PTPN9: variants seen among roughly 807,000 people sequenced by gnomAD.
PTPN9 encodes the protein tyrosine-protein phosphatase non-receptor type 9.
Under a neutral mutation model 69.8 loss-of-function variants are expected in PTPN9, and 26 were observed. The observed-to-expected ratio is 0.37, with a 90% CI of 0.27 to 0.52. The LOEUF is 0.52. Ranked by LOEUF, PTPN9 falls within the 20% of genes least tolerant of loss-of-function variation. PTPN9 has a pLI of 0.91. For synonymous variants in PTPN9, 274 were observed against 272.5 expected, an observed-to-expected ratio of 1.01 and a Z score of -0.05; for missense variants, 549 against 740.3, an observed-to-expected ratio of 0.74 and a Z score of 3.00.
chr15:75,482,068 T>C (rs1012034382), intron 8 of PTPN9, among the ~76,000 whole-genome samples: 1 of 149,788 alleles, frequency 6.7e-6, no homozygotes, highest in African/African-American at 2.5e-5. Context: ...CGTGTCTGTG[T>C]AGAAAGAAGT....
intron 1 of PTPN9, among the ~76,000 whole-genome samples, chr15:75,539,177 G>A (rs867053399): frequency 3.9e-5 from 6 of 151,994 alleles, no homozygotes; most frequent in African/African-American, 2.4e-5. Flanking sequence ...TTGATCTCTC[G>A]ACCTCATGAT....
chr15:75,504,415 C>G (rs1268393990), intron 7 of PTPN9, among the ~76,000 whole-genome samples: 4 of 127,932 alleles, frequency 3.1e-5, no homozygotes, highest in Admixed American at 1.5e-4. Flanking sequence ...CCAGCCGACC[C>G]GTCCGGGAGG....
chr15:75,471,390 T>C (rs1218782057), intron 10 of PTPN9, among the ~76,000 whole-genome samples: 1 of 152,088 alleles, frequency 6.6e-6, no homozygotes, highest in Non-Finnish European at 1.5e-5. Flanking sequence ...AGGAGGTTTG[T>C]GTAAAAGCCT....
chr15:75,543,387 C>T (rs2075017608), intron 1 of PTPN9, among the ~76,000 whole-genome samples: 2 of 152,162 alleles, frequency 1.3e-5, no homozygotes, highest in Non-Finnish European at 1.5e-5. Context: ...AAATCAAAGG[C>T]TCACAGAGCC....
At chr15:75,570,215 A>G (rs976596183) in intron 1 of PTPN9, 1 of 152,216 alleles carries the variant, frequency 6.6e-6, no homozygotes, top group Non-Finnish European at 1.5e-5. Context: ...AATGAAAATA[A>G]TAAGAGTTCT....
At chr15:75,574,188 G>A (rs989454217) in intron 1 of PTPN9, among the ~76,000 whole-genome samples, 3 of 151,922 alleles carry the variant, frequency 2.0e-5, no homozygotes, top group African/African-American at 7.3e-5. Flanking sequence ...GGGAGGCTGA[G>A]GCAGGAGGAC....
At chr15:75,482,678 A>G (rs2074648680) in intron 8 of PTPN9, among the ~76,000 whole-genome samples, 1 of 151,208 alleles carries the variant, frequency 6.6e-6, no homozygotes, top group South Asian at 2.1e-4. Context: ...AAAACCAGAG[A>G]CCTTTGTTCA....
At chr15:75,548,943 A>G (rs2075045734) in intron 1 of PTPN9, among the ~76,000 whole-genome samples, 2 of 151,634 alleles carry the variant, frequency 1.3e-5, no homozygotes, top group Non-Finnish European at 2.9e-5. Flanking sequence ...ATGAGCCACC[A>G]CACCCAGCCA....
intron 1 of PTPN9, among the ~76,000 whole-genome samples, chr15:75,536,457 A>C (rs1278897404): frequency 6.6e-6 from 1 of 152,250 alleles, no homozygotes; most frequent in African/African-American, 2.4e-5. Flanking sequence ...TATGGGATTC[A>C]AACTCTCTCT....
intron 1 of PTPN9, among the ~76,000 whole-genome samples, chr15:75,528,132 A>G (rs542948229): frequency 6.6e-6 from 1 of 152,272 alleles, no homozygotes; most frequent in East Asian, 1.9e-4. Flanking sequence ...GGCAACCCCA[A>G]AACTGGATAC....
chr15:75,534,658 G>A (rs2074975598), intron 1 of PTPN9, among the ~76,000 whole-genome samples: 1 of 142,012 alleles, frequency 7.0e-6, no homozygotes, highest in African/African-American at 2.6e-5. Flanking sequence ...CTGGGTGACT[G>A]AGTGAGACTC....
intron 8 of PTPN9, among the ~76,000 whole-genome samples, chr15:75,481,944 C>T (rs563667496): frequency 2.7e-5 from 4 of 146,046 alleles, no homozygotes; most frequent in South Asian, 2.3e-4. Context: ...GCCACCACCC[C>T]GTCTGGGAGG....
At chr15:75,529,876 C>T (rs569288369) in intron 1 of PTPN9, among the ~76,000 whole-genome samples, 2 of 151,862 alleles carry the variant, frequency 1.3e-5, no homozygotes, top group Admixed American at 6.6e-5. Flanking sequence ...TGCCATTGCA[C>T]TCCAGCCTGG....
chr15:75,571,702 A>G (rs1222153557), intron 1 of PTPN9, among the ~76,000 whole-genome samples: 2 of 151,930 alleles, frequency 1.3e-5, no homozygotes, highest in African/African-American at 4.8e-5. Flanking sequence ...AGAGACCATC[A>G]TGGCCAACAT....
rs2074545814 is a variant in PTPN9 at position 75,468,278 on chromosome 15, G to A, written c.*491C>T. 6.0e-6 allele frequency: 1 copy of A among 166,830 alleles called. No individual in the cohort carries two copies. Among genetic ancestry groups the A allele is most frequent in the Admixed American group, 5.6e-5 (1 of 17,896 alleles). The allele number at this position is 166,830 out of a possible 1,614,324, so 10.3% of individuals were successfully genotyped here. ...CACACACAGAATGACAGAAAGGACT[G>A]GAATACACGCCCTACTTATAAACGT... On this transcript the variant is annotated 3_prime_UTR_variant, in exon 13 of 13. Coordinates refer to ENST00000618819, the MANE Select transcript of PTPN9 (RefSeq NM_002833.4).
intron 7 of PTPN9, among the ~76,000 whole-genome samples, chr15:75,503,653 C>T (rs1411082972): frequency 5.8e-5 from 5 of 86,726 alleles, no homozygotes; most frequent in African/African-American, 8.6e-5. Context: ...GGCGCCTCTG[C>T]CCAGCCGCCC....
At chr15:75,571,755 A>G (rs894529676) in intron 1 of PTPN9, among the ~76,000 whole-genome samples, 17 of 152,034 alleles carry the variant, frequency 1.1e-4, no homozygotes, top group African/African-American at 3.4e-4. Context: ...TTGGCCAGGC[A>G]TGGTGGTGCA....
chr15:75,476,818 C>T (rs1288713998), intron 9 of PTPN9, among the ~76,000 whole-genome samples: 1 of 152,176 alleles, frequency 6.6e-6, no homozygotes, highest in African/African-American at 2.4e-5. Flanking sequence ...ATCTCTGACC[C>T]TCAGCCTCAT....
intron 1 of PTPN9, among the ~76,000 whole-genome samples, chr15:75,530,855 GATATATT>G (rs1343524387): frequency 2.3e-5 from 2 of 87,512 alleles, no homozygotes; most frequent in Non-Finnish European, 4.2e-5. Context: ...TATATATTAT[GATATATT>G]ATATATTACG....
Sources: allele counts gnomAD v4.1 joint callset (sites outside exome capture counted in the v4.1 genomes callset), GRCh38; gene constraint gnomAD v4.1.1; transcripts MANE v1.5; gene names NCBI Gene and HGNC (gene_info 2026-07-23, HGNC 2026-07-21).